Variants in UNC80 observed in about 807,000 individuals in gnomAD.
The protein encoded by UNC80 is unc-80 subunit of NALCN channel complex, also known as protein unc-80 homolog.
UNC80 carries 164 observed loss-of-function variants against 384.6 expected under a neutral mutation model. The ratio of observed to expected loss-of-function variants is 0.43; its 90% CI spans 0.38 to 0.49. The LOEUF (loss-of-function observed/expected upper bound fraction) is 0.49. Ranked by LOEUF, UNC80 falls within the 20% of genes least tolerant of loss-of-function variation. The probability of loss-of-function intolerance (pLI) is 0.00; values close to 1 mark genes in which losing one functional copy is unlikely to be tolerated. For missense variants in UNC80, 3,330 were observed against 4,143.0 expected, an observed-to-expected ratio of 0.80 and a Z score of 5.39; for synonymous variants, 1,486 against 1,527.8, an observed-to-expected ratio of 0.97 and a Z score of 0.64.
Position 209,907,291 on chromosome 2 carries a change from C to CAAA in UNC80, c.4782+2344_4782+2346dup, listed in dbSNP as rs35210647. 6.2e-3 allele frequency among the ~76,000 whole-genome samples: 427 copies of CAAA among 68,586 alleles called. 5 individuals carry two copies. The highest frequency in any genetic ancestry group is 0.018 in the African/African-American group (324 of 17,652). The allele number at this position is 68,586 out of a possible 152,430, so 45.0% of individuals were successfully genotyped here. A position where few individuals can be genotyped will look rare whatever the true frequency, so the allele number is the denominator to read the frequency against. ...ACTTTGCGCTGGGTACAATAATGGG[C>CAAA]AAAAAAAAAAAAAAAAAAAATACAG... On this transcript the variant is annotated intron_variant, in intron 29 of 64. Coordinates refer to ENST00000673920, the MANE Select transcript of UNC80 (RefSeq NM_001371986.1).
intron 4 of UNC80, among the ~76,000 whole-genome samples, chr2:209,779,273 G>A (rs1418664827): frequency 6.6e-6 from 1 of 151,994 alleles, no homozygotes; most frequent in Non-Finnish European, 1.5e-5. Flanking sequence ...CTTCAGGCTT[G>A]TGGGATTCTC....
At chr2:209,909,350 A>G (rs920987355) in intron 29 of UNC80, among the ~76,000 whole-genome samples, 5 of 152,244 alleles carry the variant, frequency 3.3e-5, no homozygotes, top group African/African-American at 4.8e-5. Flanking sequence ...GTAGAATCTC[A>G]TGAAACTAGG....
intron 7 of UNC80, among the ~76,000 whole-genome samples, chr2:209,807,205 A>G (rs537469999): frequency 2.0e-5 from 3 of 152,200 alleles, no homozygotes; most frequent in African/African-American, 7.2e-5. Context: ...GCTTTTCTTC[A>G]TTATTTTTAC....
intron 62 of UNC80, among the ~76,000 whole-genome samples, chr2:209,992,744 G>A (rs919326406): frequency 3.3e-5 from 5 of 152,156 alleles, no homozygotes; most frequent in African/African-American, 9.6e-5. Context: ...TCTGCATAAA[G>A]GCAAAGAAAA....
chr2:209,906,312 C>A (rs1177308004), intron 29 of UNC80, among the ~76,000 whole-genome samples: 1 of 151,928 alleles, frequency 6.6e-6, no homozygotes, highest in Non-Finnish European at 1.5e-5. Flanking sequence ...TTTAATAATA[C>A]AAAATATTCT....
Position 209,817,891 on chromosome 2 carries a change from C to A in UNC80, c.1632C>A (p.His544Gln). Residue 544 changes from histidine (H) to glutamine (Q), a missense_variant, in exon 11 of 65, where the codon CAC (histidine) becomes CAA (glutamine). His to Gln is a conservative substitution (Grantham distance 24). Coordinates refer to ENST00000673920, the MANE Select transcript of UNC80 (RefSeq NM_001371986.1). Reference sequence around the variant, plus strand: ...GCGCCAGGCATTCCCACTCCCATCACACCCTGGTAAGCGACCTGCCGGACC... The same window carrying A: ...GCGCCAGGCATTCCCACTCCCATCAAACCCTGGTAAGCGACCTGCCGGACC... The part of the protein sequence containing the change: ...SLSARHSHSH[H>Q]TLVSDLPDPS... The A allele has an allele frequency of 6.4e-7, 1 of 1,551,684 alleles. No individual in the cohort carries two copies. The highest frequency in any genetic ancestry group is 8.7e-7 in the Non-Finnish European group (1 of 1,146,998).
intron 51 of UNC80, among the ~76,000 whole-genome samples, chr2:209,963,269 T>C (rs1387154869): frequency 2.0e-5 from 3 of 152,202 alleles, no homozygotes; most frequent in African/African-American, 4.8e-5. Context: ...CTCATTCTCT[T>C]TCTCTCTTTC....
chr2:209,924,523 C>T (rs1421698588), intron 35 of UNC80, among the ~76,000 whole-genome samples: 5 of 152,036 alleles, frequency 3.3e-5, no homozygotes, highest in African/African-American at 9.7e-5. Flanking sequence ...CATTTTTGTA[C>T]TTTCTGCTTG....
chr2:209,779,336 T>C (rs2077034695), intron 4 of UNC80, among the ~76,000 whole-genome samples: 1 of 152,180 alleles, frequency 6.6e-6, no homozygotes, highest in Non-Finnish European at 1.5e-5. Context: ...CACTGTTTTT[T>C]TCAACTTGAA....
intron 24 of UNC80, among the ~76,000 whole-genome samples, chr2:209,880,589 C>A (rs1188793899): frequency 6.6e-6 from 1 of 152,174 alleles, no homozygotes; most frequent in Non-Finnish European, 1.5e-5. Flanking sequence ...TGCGAAATTA[C>A]TTCCCATTTC....
intron 7 of UNC80, among the ~76,000 whole-genome samples, chr2:209,798,549 T>TAGCC (rs1166113923): frequency 2.6e-5 from 4 of 152,216 alleles, no homozygotes; most frequent in Non-Finnish European, 5.9e-5. Flanking sequence ...TACCATGCTG[T>TAGCC]TTTGGTTACT....
At position 209,857,177 on chromosome 2, in the gene UNC80, C is replaced by T. The variant is rs575862793; in HGVS notation, c.3627+7554C>T. Among the ~76,000 whole-genome samples, 91 of 152,188 alleles carry T rather than the reference C, an allele frequency of 6.0e-4. 1 individual carries two copies. Among genetic ancestry groups the T allele is most frequent in the African/African-American group, 2.0e-3 (83 of 41,524 alleles). ...GAACTTAAACATCACTTAGGCTAGT[C>T]GAGGCTCTTCGTTCTTCCACATGAA... is the stretch of plus-strand genomic sequence containing the variant. On this transcript the variant is annotated intron_variant, in intron 22 of 64. Transcript: ENST00000673920.
intron 6 of UNC80, among the ~76,000 whole-genome samples, chr2:209,790,664 A>G (rs1189370971): frequency 6.6e-6 from 1 of 152,168 alleles, no homozygotes; most frequent in East Asian, 1.9e-4. Context: ...GTATTTTAAG[A>G]GATAACACTC....
chr2:209,924,657 C>A (rs2124957110), intron 35 of UNC80, among the ~76,000 whole-genome samples: 1 of 152,196 alleles, frequency 6.6e-6, no homozygotes, highest in African/African-American at 2.4e-5. Flanking sequence ...CAGTGATTTG[C>A]AAGCCCCCTA....
chr2:209,777,486 A>G lies in UNC80; in HGVS notation c.527A>G (p.Lys176Arg), dbSNP rs2076930451. 1.2e-6 allele frequency: 2 copies of G among 1,614,074 alleles called. No homozygotes were observed. The highest frequency in any genetic ancestry group is 2.7e-5 in the African/African-American group (2 of 74,918). Reference sequence around the variant, plus strand: ...GACGAAGAAGAGAACAACCGAAGAAAGATCTTCCAGAACTCCATGGCTACT... The same window carrying G: ...GACGAAGAAGAGAACAACCGAAGAAGGATCTTCCAGAACTCCATGGCTACT... The part of the protein sequence containing the change: ...SNDEEENNRR[K>R]IFQNSMATVE... The change falls in exon 4 of 65, where the codon AAG becomes AGG. Residue 176 changes from lysine to arginine, a missense_variant. Lys to Arg is a conservative substitution (Grantham distance 26). Transcript: ENST00000673920.
Position 209,777,552 on chromosome 2 carries a change from G to A in UNC80, c.593G>A (p.Arg198Lys). 7 of 1,606,580 alleles carry A rather than the reference G, an allele frequency of 4.4e-6. No homozygotes were observed. Among genetic ancestry groups the A allele is most frequent in the Non-Finnish European group, 6.0e-6 (7 of 1,175,890 alleles). Residue 198 changes from arginine (R) to lysine (K), a missense_variant, in exon 4 of 65, where the codon AGG (arginine) becomes AAG (lysine). Physicochemically the swap from Arg to Lys is conservative, Grantham distance 26. Around this residue, in one of 8 missense-constraint regions of UNC80, gnomAD observed 937 missense variants for 1,026.8 expected, o/e 0.91. Transcript: ENST00000673920. ...FVFLFAPLVH[R>K]IKESDLTFRL... is the part of the protein sequence containing the mutation. Reference sequence around the variant, plus strand: ...TTTCTGTTTGCTCCCCTGGTACACAGGATCAAGGTAAGCAGAAACCCAGTG... The same window carrying A: ...TTTCTGTTTGCTCCCCTGGTACACAAGATCAAGGTAAGCAGAAACCCAGTG...
At chr2:209,846,003 T>C (rs1218878380) in intron 21 of UNC80, among the ~76,000 whole-genome samples, 1 of 151,790 alleles carries the variant, frequency 6.6e-6, no homozygotes, top group Admixed American at 6.6e-5. Context: ...CTTTCTTCCC[T>C]TCTTTCCTTG....
At chr2:209,800,522 G>C (rs2078476769) in intron 7 of UNC80, among the ~76,000 whole-genome samples, 1 of 147,090 alleles carries the variant, frequency 6.8e-6, no homozygotes, top group African/African-American at 2.5e-5. Context: ...TGGATTTGTT[G>C]ATTTTTTGTA....
intron 26 of UNC80, among the ~76,000 whole-genome samples, chr2:209,891,967 T>A (rs2086377804): frequency 6.6e-6 from 1 of 152,152 alleles, no homozygotes; most frequent in Non-Finnish European, 1.5e-5. Context: ...CAGGAAAAAT[T>A]CAAGTGAAAT....
Sources: allele counts gnomAD v4.1 joint callset (sites outside exome capture counted in the v4.1 genomes callset), GRCh38; gene constraint gnomAD v4.1.1; regional missense constraint gnomAD v4.1.1; transcripts MANE v1.5; gene names NCBI Gene and HGNC (gene_info 2026-07-23, HGNC 2026-07-21).